Variants in CFI observed in about 807,000 individuals in gnomAD.
The protein encoded by CFI is C3B/C4B inactivator.
Under a neutral mutation model 78.8 loss-of-function variants are expected in CFI, and 66 were observed. The ratio of observed to expected loss-of-function variants is 0.84; its 90% CI spans 0.69 to 1.03. CFI has a LOEUF of 1.03. Ranked by LOEUF, CFI falls within the 50% of genes least tolerant of loss-of-function variation. CFI has a pLI of 0.00. For synonymous variants in CFI, 250 were observed against 232.6 expected, an observed-to-expected ratio of 1.07 and a Z score of -0.68; for missense variants, 706 against 704.5, an observed-to-expected ratio of 1.00 and a Z score of -0.02.
At chr4:109,794,003 T>A (rs1731718906) in intron 1 of CFI, 1 of 152,250 alleles carries the variant, frequency 6.6e-6, no homozygotes, top group Non-Finnish European at 1.5e-5. Context: ...CCCTCCATGG[T>A]TTCTGATGAG....
rs374141986 is a variant in CFI at position 109,801,961 on chromosome 4, A to C, written c.11T>G (p.Leu4Arg). 4 of 1,611,928 alleles carry C rather than the reference A, an allele frequency of 2.5e-6. No homozygotes were observed. The African/African-American group carries it at 5.3e-5, about 22-fold the overall frequency. The change falls in exon 1 of 13, where the codon CTT (leucine) becomes CGT (arginine). Residue 4 changes from leucine (L) to arginine (R), a missense_variant. Coordinates refer to ENST00000394634, the MANE Select transcript of CFI (RefSeq NM_000204.5). MKLLHVFLLFLCFH... is the reference protein window; with the variant it reads MKLRHVFLLFLCFH... The stretch of plus-strand genomic sequence containing the variant: ...GCACAGAAATAACAGGAAAACATGA[A>C]GAAGCTTCATGTTGGAGGTGTTCGG...
Position 109,742,591 on chromosome 4 carries a change from G to A in CFI, c.1434C>T (p.Asn478=), listed in dbSNP as rs775471796. 4.7e-5 allele frequency: 75 copies of A among 1,593,874 alleles called. 1 individual carries two copies. Among genetic ancestry groups the A allele is most frequent in the African/African-American group, 1.2e-4 (9 of 74,502 alleles). The part of the protein sequence containing the change: ...IVSGWGREKD[N]ERVFSLQWGE... Reference sequence around the variant, plus strand: ...CCCACTGAAGTGAAAAGACTCTTTCGTTATCTAAACAAAGTGAGAAAGCAA... The same window carrying A: ...CCCACTGAAGTGAAAAGACTCTTTCATTATCTAAACAAAGTGAGAAAGCAA... Residue 478 remains asparagine, a synonymous_variant, in exon 12 of 13, where the codon AAC becomes AAT. Coordinates refer to ENST00000394634, the MANE Select transcript of CFI (RefSeq NM_000204.5).
At chr4:109,757,667 T>C (rs1360460772) in intron 7 of CFI, 96 bp downstream of exon 7, 1 of 803,512 alleles carries the variant, frequency 1.2e-6, no homozygotes. Context: ...TGTGGTCATA[T>C]CATGCTCCAT....
chr4:109,741,149 T>C (rs1276321253), intron 12 of CFI, 39 bp from the exon 13 acceptor site: 2 of 1,613,078 alleles, frequency 1.2e-6, no homozygotes, highest in Admixed American at 3.3e-5. Flanking sequence ...ACACATTTCC[T>C]TCCATTTTTC....
At chr4:109,769,010 G>A (rs550747063) in intron 1 of CFI, among the ~76,000 whole-genome samples, 1 of 152,134 alleles carries the variant, frequency 6.6e-6, no homozygotes, top group East Asian at 1.9e-4. Flanking sequence ...ATCTCTTTTT[G>A]GCACTTATTA....
chr4:109,774,606 C>T (rs1028689572), intron 1 of CFI, among the ~76,000 whole-genome samples: 16 of 152,064 alleles, frequency 1.1e-4, no homozygotes, highest in Non-Finnish European at 2.1e-4. Context: ...AACCTGTTGG[C>T]TACTGTAAAG....
intron 8 of CFI, 84 bp downstream of exon 8, chr4:109,752,384 G>A: frequency 2.5e-6 from 3 of 1,191,302 alleles, no homozygotes; most frequent in Non-Finnish European, 3.7e-6. Flanking sequence ...CTTGTTGCTT[G>A]AATCAATTAT....
rs140888912 is a variant in CFI, at chr4:109,766,791, T to C, written c.91A>G (p.Lys31Glu). Residue 31 changes from lysine (K) to glutamate (E), a missense_variant, in exon 2 of 13, where the codon AAA becomes GAA. Transcript: ENST00000394634. ...GTATATTTTTTTGCTAAGCACTTTTTCTCCACCAGATCCTCTTGAGATGTA... is the reference window on the plus strand; with the variant it reads ...GTATATTTTTTTGCTAAGCACTTTTCCTCCACCAGATCCTCTTGAGATGTA... ...TYTSQEDLVEKKCLAKKYTHL... is the reference protein window; with the variant it reads ...TYTSQEDLVEEKCLAKKYTHL... 1 of 1,614,044 alleles carries C rather than the reference T, an allele frequency of 6.2e-7. No homozygotes were observed.
chr4:109,767,077 T>C (rs1727859869), intron 1 of CFI, among the ~76,000 whole-genome samples: 1 of 152,130 alleles, frequency 6.6e-6, no homozygotes, highest in Non-Finnish European at 1.5e-5. Context: ...TGGCTAGACA[T>C]ATGGAGAAAG....
chr4:109,760,059 T>C (rs1384374396), intron 6 of CFI: 2 of 686,598 alleles, frequency 2.9e-6, no homozygotes, highest in East Asian at 5.6e-5. Flanking sequence ...AGTGAGACCG[T>C]CTTTTAATAG....
chr4:109,767,280 TG>T (rs1727892261), intron 1 of CFI, among the ~76,000 whole-genome samples: 2 of 151,964 alleles, frequency 1.3e-5, no homozygotes, highest in Non-Finnish European at 2.9e-5. Flanking sequence ...AATTGACAAA[TG>T]GGATCTAATT....
At chr4:109,773,741 G>T (rs1158580767) in intron 1 of CFI, among the ~76,000 whole-genome samples, 2 of 152,174 alleles carry the variant, frequency 1.3e-5, no homozygotes, top group Non-Finnish European at 2.9e-5. Flanking sequence ...TGAAATAGGA[G>T]ACTATCAAAC....
At chr4:109,759,239 C>T (rs896848737) in intron 6 of CFI, among the ~76,000 whole-genome samples, 14 of 140,436 alleles carry the variant, frequency 1.0e-4, no homozygotes, top group South Asian at 2.4e-4. Flanking sequence ...TATAGGCAAA[C>T]GACTCAGTTT....
intron 1 of CFI, among the ~76,000 whole-genome samples, chr4:109,772,335 A>G (rs1728707139): frequency 6.6e-6 from 1 of 152,252 alleles, no homozygotes; most frequent in Non-Finnish European, 1.5e-5. Flanking sequence ...GAGGTTTGTA[A>G]ATGCATGTGT....
In CFI at chr4:109,764,615, T is replaced by C. The variant is rs755728299; in HGVS notation, c.404A>G (p.Asp135Gly). 1 of 1,614,188 alleles carries C rather than the reference T, an allele frequency of 6.2e-7. No homozygotes were observed. Among genetic ancestry groups the C allele is most frequent in the Admixed American group, 1.7e-5 (1 of 60,030 alleles). Residue 135 changes from aspartate (D) to glycine (G), a missense_variant, in exon 3 of 13, where the codon GAT becomes GGT. Physicochemically the swap from Asp to Gly is moderately conservative, Grantham distance 94. Coordinates refer to ENST00000394634, the MANE Select transcript of CFI (RefSeq NM_000204.5). Reference protein sequence around the residue: ...GIVEVKLVDQDKTMFICKSSW... With the variant: ...GIVEVKLVDQGKTMFICKSSW... ...GCTTTTGCATATGAACATTGTCTTATCTTGGTCCACAAGTTTTACTTCAAC... is the reference window on the plus strand; with the variant it reads ...GCTTTTGCATATGAACATTGTCTTACCTTGGTCCACAAGTTTTACTTCAAC...
intron 1 of CFI, among the ~76,000 whole-genome samples, chr4:109,777,904 G>A (rs1282183029): frequency 1.3e-5 from 2 of 152,044 alleles, no homozygotes; most frequent in Non-Finnish European, 2.9e-5. Flanking sequence ...ACGAAATGAA[G>A]GCAGAAATAA....
At chr4:109,752,638 A>T (rs1725280954) in intron 7 of CFI, 135 bp from the exon 8 acceptor site, 3 of 727,654 alleles carry the variant, frequency 4.1e-6, no homozygotes, top group Admixed American at 4.8e-5. Flanking sequence ...ACTGTACAAA[A>T]TCCCCAAGGC....
At chr4:109,781,992 C>T (rs1489852083) in intron 1 of CFI, among the ~76,000 whole-genome samples, 1 of 151,960 alleles carries the variant, frequency 6.6e-6, no homozygotes, top group East Asian at 1.9e-4. Flanking sequence ...GCAAAATCGG[C>T]ATACAAGGGG....
chr4:109,744,490 G>T (rs1489025977), intron 11 of CFI, among the ~76,000 whole-genome samples: 1 of 152,196 alleles, frequency 6.6e-6, no homozygotes, highest in African/African-American at 2.4e-5. Context: ...CCTAGCAGGA[G>T]GGAGGGAAGG....
Sources: allele counts gnomAD v4.1 joint callset (sites outside exome capture counted in the v4.1 genomes callset), GRCh38; gene constraint gnomAD v4.1.1; transcripts MANE v1.5; gene names NCBI Gene and HGNC (gene_info 2026-07-23, HGNC 2026-07-21).